Variants in SLC9A9 observed in about 807,000 individuals in gnomAD.
The protein encoded by SLC9A9 is solute carrier family 9 member A9.
In SLC9A9, 62 loss-of-function variants were observed where a neutral mutation model predicts 77.8. The ratio of observed to expected loss-of-function variants is 0.80; its 90% confidence interval spans 0.65 to 0.98. The LOEUF (loss-of-function observed/expected upper bound fraction) is 0.98, where lower values mean the gene tolerates loss of function less well. SLC9A9 is among the 50% of genes least tolerant of loss of function. The pLI is 0.00. For synonymous variants in SLC9A9, 320 were observed against 283.5 expected, an observed-to-expected ratio of 1.13 and a Z score of -1.29; for missense variants, 775 against 774.9, an observed-to-expected ratio of 1.00 and a Z score of 0.00.
chr3:143,735,568 G>T (rs1934920394), intron 4 of SLC9A9, among the ~76,000 whole-genome samples: 1 of 152,184 alleles, frequency 6.6e-6, no homozygotes, highest in South Asian at 2.1e-4. Context: ...CTGAATGAAT[G>T]AATGAATAAA....
chr3:143,329,044 GT>G (rs2031686488), intron 14 of SLC9A9, among the ~76,000 whole-genome samples: 1 of 152,182 alleles, frequency 6.6e-6, no homozygotes, highest in South Asian at 2.1e-4. Context: ...CTCTAAAAGG[GT>G]ATCAAAGTCA....
intron 9 of SLC9A9, among the ~76,000 whole-genome samples, chr3:143,519,078 T>C (rs1013634035): frequency 6.6e-6 from 1 of 152,168 alleles, no homozygotes; most frequent in Non-Finnish European, 1.5e-5. Context: ...GTGCTGGAGA[T>C]GCAGTAGTGA....
intron 14 of SLC9A9, among the ~76,000 whole-genome samples, chr3:143,327,505 A>T (rs902725709): frequency 1.3e-5 from 2 of 152,242 alleles, no homozygotes; most frequent in Non-Finnish European, 2.9e-5. Context: ...TTTTACTACC[A>T]GCAGATTGAT....
chr3:143,827,276 A>C (rs2009323609), intron 2 of SLC9A9, among the ~76,000 whole-genome samples: 1 of 152,210 alleles, frequency 6.6e-6, no homozygotes, highest in African/African-American at 2.4e-5. Flanking sequence ...AATTTGACAA[A>C]TGGTGGTGGA....
chr3:143,390,114 C>T (rs1286054829), intron 12 of SLC9A9, among the ~76,000 whole-genome samples: 1 of 152,226 alleles, frequency 6.6e-6, no homozygotes, highest in Non-Finnish European at 1.5e-5. Context: ...GTCAAGGATT[C>T]ATGCAACATT....
At chr3:143,466,115 A>T (rs1183970403) in intron 12 of SLC9A9, among the ~76,000 whole-genome samples, 1 of 152,222 alleles carries the variant, frequency 6.6e-6, no homozygotes, top group Admixed American at 6.5e-5. Flanking sequence ...TGCTGTAATA[A>T]CAGACTCTTG....
intron 11 of SLC9A9, among the ~76,000 whole-genome samples, chr3:143,489,138 T>G (rs2035700560): frequency 6.6e-6 from 1 of 151,806 alleles, no homozygotes; most frequent in Admixed American, 6.6e-5. Flanking sequence ...CCATTCACAA[T>G]AGCATCAAAA....
intron 6 of SLC9A9, among the ~76,000 whole-genome samples, chr3:143,619,911 G>A (rs571775789): frequency 6.6e-6 from 1 of 152,300 alleles, no homozygotes; most frequent in East Asian, 1.9e-4. Flanking sequence ...TTTTGTTGAA[G>A]GTCAAATAGG....
chr3:143,585,167 C>T (rs2037521075), intron 6 of SLC9A9, among the ~76,000 whole-genome samples: 1 of 152,170 alleles, frequency 6.6e-6, no homozygotes, highest in Admixed American at 6.5e-5. Flanking sequence ...CAGCCTATTT[C>T]CTTGGGTTGG....
intron 6 of SLC9A9, among the ~76,000 whole-genome samples, chr3:143,640,789 T>C (rs139188449): frequency 6.6e-6 from 1 of 152,080 alleles, no homozygotes; most frequent in Non-Finnish European, 1.5e-5. Context: ...GAGGTGTAGG[T>C]TGCAGTGAGC....
At chr3:143,783,758 T>C (rs781700242) in intron 4 of SLC9A9, among the ~76,000 whole-genome samples, 11 of 152,114 alleles carry the variant, frequency 7.2e-5, no homozygotes, top group African/African-American at 9.7e-5. Flanking sequence ...AGCAAACAAT[T>C]ATGTTTGACA....
At chr3:143,441,048 G>T (rs1559916916) in intron 12 of SLC9A9, among the ~76,000 whole-genome samples, 1 of 152,054 alleles carries the variant, frequency 6.6e-6, no homozygotes, top group East Asian at 1.9e-4. Context: ...TGTTAACCCA[G>T]TTTTTTTCTT....
intron 12 of SLC9A9, among the ~76,000 whole-genome samples, chr3:143,450,903 A>G (rs2034995533): frequency 6.6e-6 from 1 of 152,194 alleles, no homozygotes; most frequent in South Asian, 2.1e-4. Flanking sequence ...AGCTCTCTCA[A>G]CAAAGAGAAT....
chr3:143,807,929 G>A (rs1044346222), intron 2 of SLC9A9, among the ~76,000 whole-genome samples: 5 of 152,160 alleles, frequency 3.3e-5, no homozygotes, highest in East Asian at 3.9e-4. Flanking sequence ...AGGGCTGGGC[G>A]GGGATGAGAG....
intron 13 of SLC9A9, among the ~76,000 whole-genome samples, chr3:143,378,969 A>AGTT (rs1185715453): frequency 6.6e-6 from 1 of 152,066 alleles, no homozygotes; most frequent in Non-Finnish European, 1.5e-5. Context: ...CATTCCCAAA[A>AGTT]GTTATTTTAC....
chr3:143,329,846 G>A (rs1248917123), intron 14 of SLC9A9, among the ~76,000 whole-genome samples: 2 of 152,136 alleles, frequency 1.3e-5, no homozygotes, highest in Non-Finnish European at 2.9e-5. Context: ...CTGCCCAGCC[G>A]TCAGCGCTCA....
At chr3:143,492,119 C>T (rs1286581024) in intron 11 of SLC9A9, among the ~76,000 whole-genome samples, 1 of 151,650 alleles carries the variant, frequency 6.6e-6, no homozygotes, top group Non-Finnish European at 1.5e-5. Flanking sequence ...GGTGAAACCC[C>T]GTCTCTACTA....
intron 4 of SLC9A9, among the ~76,000 whole-genome samples, chr3:143,762,559 C>T (rs1000766834): frequency 2.6e-5 from 4 of 152,076 alleles, no homozygotes; most frequent in African/African-American, 9.7e-5. Context: ...GTGGTGATCA[C>T]CAAAGCAATT....
Position 143,437,402 on chromosome 3 carries a change from G to A in SLC9A9, c.1469+29635C>T, listed in dbSNP as rs73867633. Among the ~76,000 whole-genome samples, 505 of 152,348 alleles carry A rather than the reference G, an allele frequency of 3.3e-3. 2 individuals are homozygous for A. Among genetic ancestry groups the A allele is most frequent in the African/African-American group, 0.011 (477 of 41,580 alleles). ...GCCAGACAGGCTCAGATCCCACAAC[G>A]GTCGTCAGTGGACACAGGATGGCTA... is the stretch of plus-strand genomic sequence containing the variant. On this transcript the variant is annotated intron_variant, in intron 12 of 15. Coordinates refer to ENST00000316549, the MANE Select transcript of SLC9A9 (RefSeq NM_173653.4).
Sources: gnomAD v4.1 joint callset for allele counts (sites outside exome capture counted in the v4.1 genomes callset) on GRCh38, gnomAD v4.1.1 for gene constraint, MANE v1.5 for transcripts, NCBI Gene and HGNC (gene_info 2026-07-23, HGNC 2026-07-21) for gene names.